SLC35F1: variants seen among roughly 807,000 people sequenced by gnomAD.
SLC35F1 encodes chromosome 6 open reading frame 169.
In SLC35F1, 14 loss-of-function variants were observed where a neutral mutation model predicts 48.7. That is an observed-to-expected ratio of 0.29 (90% CI 0.19 to 0.45). SLC35F1 has a LOEUF of 0.45. SLC35F1 is among the 20% of genes least tolerant of loss of function. SLC35F1 has a pLI of 1.00. For synonymous variants in SLC35F1, 190 were observed against 202.2 expected, an observed-to-expected ratio of 0.94 and a Z score of 0.51; for missense variants, 404 against 500.0, an observed-to-expected ratio of 0.81 and a Z score of 1.83.
At position 117,966,139 on chromosome 6, in the gene SLC35F1, C is replaced by G. The variant is rs77704742; in HGVS notation, c.173+58240C>G. On this transcript the variant is annotated intron_variant, in intron 1 of 7. Transcript: ENST00000360388. ...AATAAAAGCAGGCCACCGCCCCCCC[C>G]CCCACTCCCGCCCCGCCCCAAGCAG... 2.8e-3 allele frequency among the ~76,000 whole-genome samples: 338 copies of G among 120,824 alleles called. 6 individuals are homozygous for G. Among genetic ancestry groups the G allele is most frequent in the African/African-American group, 9.6e-3 (321 of 33,402 alleles). 79.3% of individuals were successfully genotyped at this position (120,824 alleles called of 152,430 possible).
At position 118,219,007 on chromosome 6, in the gene SLC35F1, A is replaced by G. The variant is rs373928186; in HGVS notation, c.350-16502A>G. ...TGTTTGTTGTGGGTTTTAAAAACTT[A>G]TAATATTTTTAAATGGAGCTTTTGA... On this transcript the variant is annotated intron_variant, in intron 2 of 7. Coordinates refer to ENST00000360388, the MANE Select transcript of SLC35F1 (RefSeq NM_001029858.4). 9.8e-5 allele frequency among the ~76,000 whole-genome samples: 15 copies of G among 152,308 alleles called. No individual in the cohort carries two copies. The East Asian group carries it at 2.3e-3, about 23-fold the overall frequency.
intron 3 of SLC35F1, among the ~76,000 whole-genome samples, chr6:118,245,082 C>G (rs1775490033): frequency 6.6e-6 from 1 of 152,178 alleles, no homozygotes; most frequent in South Asian, 2.1e-4. Flanking sequence ...TCCGAAGAAG[C>G]TTTAAGTATT....
At chr6:118,089,863 A>G (rs982839616) in intron 1 of SLC35F1, among the ~76,000 whole-genome samples, 9 of 152,210 alleles carry the variant, frequency 5.9e-5, no homozygotes, top group Non-Finnish European at 1.0e-4. Flanking sequence ...TCTTTCTTCC[A>G]TAAGCCAATT....
At chr6:118,057,104 T>G (rs1026980123) in intron 1 of SLC35F1, among the ~76,000 whole-genome samples, 1 of 152,138 alleles carries the variant, frequency 6.6e-6, no homozygotes, top group African/African-American at 2.4e-5. Context: ...CTCTGCCCCA[T>G]GTAAATTTAA....
chr6:118,188,387 T>TA (rs1774688368), intron 2 of SLC35F1, among the ~76,000 whole-genome samples: 1 of 151,974 alleles, frequency 6.6e-6, no homozygotes, highest in South Asian at 2.1e-4. Context: ...CCGTCTCTAC[T>TA]AAAAATACAA....
chr6:117,968,140 C>T (rs1045282789), intron 1 of SLC35F1, among the ~76,000 whole-genome samples: 1 of 152,152 alleles, frequency 6.6e-6, no homozygotes, highest in Non-Finnish European at 1.5e-5. Flanking sequence ...GAAATGCATT[C>T]GTGTTCAGAC....
At chr6:118,083,765 C>T (rs1011092147) in intron 1 of SLC35F1, among the ~76,000 whole-genome samples, 2 of 152,110 alleles carry the variant, frequency 1.3e-5, no homozygotes, top group Non-Finnish European at 2.9e-5. Flanking sequence ...AATAATTTGC[C>T]CTTTAGCTAT....
intron 1 of SLC35F1, among the ~76,000 whole-genome samples, chr6:118,064,378 A>G (rs1422830190): frequency 6.6e-6 from 1 of 152,214 alleles, no homozygotes; most frequent in African/African-American, 2.4e-5. Context: ...CACTTGAGGA[A>G]TTGGGAATTA....
intron 2 of SLC35F1, among the ~76,000 whole-genome samples, chr6:118,162,014 G>C (rs1774243253): frequency 1.3e-5 from 2 of 152,116 alleles, no homozygotes; most frequent in African/African-American, 4.8e-5. Flanking sequence ...CTCAACAATT[G>C]CATTTTTACA....
At chr6:117,975,729 T>C (rs1327172567) in intron 1 of SLC35F1, among the ~76,000 whole-genome samples, 3 of 152,226 alleles carry the variant, frequency 2.0e-5, no homozygotes, top group Non-Finnish European at 4.4e-5. Flanking sequence ...GAAGTTGTAG[T>C]CTGTATTCTA....
At chr6:118,001,444 G>T (rs546496386) in intron 1 of SLC35F1, among the ~76,000 whole-genome samples, 28 of 152,152 alleles carry the variant, frequency 1.8e-4, no homozygotes, top group Admixed American at 9.8e-4. Flanking sequence ...TATACAAAAA[G>T]TAATTCAAGA....
At chr6:117,963,981 C>A (rs1377124731) in intron 1 of SLC35F1, among the ~76,000 whole-genome samples, 1 of 152,148 alleles carries the variant, frequency 6.6e-6, no homozygotes, top group Non-Finnish European at 1.5e-5. Flanking sequence ...CCTCTGTACC[C>A]CTGACAGGTT....
At chr6:118,145,069 T>A (rs1243015285) in intron 1 of SLC35F1, among the ~76,000 whole-genome samples, 1 of 152,210 alleles carries the variant, frequency 6.6e-6, no homozygotes, top group African/African-American at 2.4e-5. Flanking sequence ...TACTACAGTC[T>A]ATCAATGAAC....
intron 1 of SLC35F1, among the ~76,000 whole-genome samples, chr6:118,086,838 C>G (rs1276316105): frequency 6.6e-6 from 1 of 152,180 alleles, no homozygotes; most frequent in Admixed American, 6.5e-5. Flanking sequence ...GGAGGCTTGC[C>G]CATGCAGCTC....
intron 1 of SLC35F1, among the ~76,000 whole-genome samples, chr6:117,993,824 A>C (rs79013389): frequency 6.6e-6 from 1 of 152,208 alleles, no homozygotes; most frequent in Non-Finnish European, 1.5e-5. Context: ...GGTGGCACAA[A>C]GGGCAGGCAG....
At chr6:118,219,702 A>G (rs1036129719) in intron 2 of SLC35F1, among the ~76,000 whole-genome samples, 2 of 152,226 alleles carry the variant, frequency 1.3e-5, no homozygotes, top group African/African-American at 2.4e-5. Flanking sequence ...TCATGCTGCT[A>G]TAAAGACACA....
chr6:118,036,492 G>A (rs1358151409), intron 1 of SLC35F1, among the ~76,000 whole-genome samples: 4 of 152,178 alleles, frequency 2.6e-5, no homozygotes, highest in Non-Finnish European at 4.4e-5. Context: ...GTCGTAAGAT[G>A]TAGTATTCTA....
chr6:118,188,081 G>A (rs549512564), intron 2 of SLC35F1, among the ~76,000 whole-genome samples: 40 of 152,308 alleles, frequency 2.6e-4, no homozygotes, highest in African/African-American at 7.9e-4. Context: ...ACACAGAGTC[G>A]CAGATTGAAG....
chr6:118,258,992 A>T (rs1297431828), intron 3 of SLC35F1, among the ~76,000 whole-genome samples: 3 of 152,008 alleles, frequency 2.0e-5, no homozygotes, highest in East Asian at 3.9e-4. Context: ...AAGTTTTTTT[A>T]AAATGAGCTT....
Sources: gnomAD v4.1 joint callset for allele counts (sites outside exome capture counted in the v4.1 genomes callset) on GRCh38, gnomAD v4.1.1 for gene constraint, MANE v1.5 for transcripts, NCBI Gene and HGNC (gene_info 2026-07-23, HGNC 2026-07-21) for gene names.